RBFOX1: variants seen among roughly 807,000 people sequenced by gnomAD.
The protein encoded by RBFOX1 is RNA binding protein fox-1 homolog 1.
In RBFOX1, 8 loss-of-function variants were observed where a neutral mutation model predicts 57.7. That is an observed-to-expected ratio of 0.14 (90% CI 0.08 to 0.25). The LOEUF is 0.25. RBFOX1 is among the 10% of genes least tolerant of loss of function. The probability of loss-of-function intolerance (pLI) is 1.00; values close to 1 mark genes in which losing one functional copy is unlikely to be tolerated. For synonymous variants in RBFOX1, 326 were observed against 222.4 expected (o/e 1.47, Z -4.15); for missense variants, 611 against 548.5 (o/e 1.11, Z -1.14).
chr16:6,042,372 T>C (rs932505422), intron 1 of RBFOX1, among the ~76,000 whole-genome samples: 2 of 152,144 alleles, frequency 1.3e-5, no homozygotes, highest in African/African-American at 4.8e-5. Flanking sequence ...GTGCTGGGAT[T>C]ACAGGCATGA....
chr16:6,891,723 G>T (rs12448214), intron 3 of RBFOX1, among the ~76,000 whole-genome samples: 1 of 151,998 alleles, frequency 6.6e-6, no homozygotes, highest in East Asian at 1.9e-4. Flanking sequence ...ATCTGAACGT[G>T]GAACGCAGCA....
chr16:7,672,735 C>T (rs563968166), intron 13 of RBFOX1, among the ~76,000 whole-genome samples: 2 of 151,774 alleles, frequency 1.3e-5, no homozygotes, highest in East Asian at 3.9e-4. Flanking sequence ...GGCGTGGTGG[C>T]ACATGCCTGC....
chr16:6,891,922 G>GC (rs1341533832), intron 3 of RBFOX1, among the ~76,000 whole-genome samples: 2 of 152,064 alleles, frequency 1.3e-5, no homozygotes, highest in Non-Finnish European at 2.9e-5. Flanking sequence ...TTTCTTTCCA[G>GC]CAAGTCGGTT....
intron 4 of RBFOX1, among the ~76,000 whole-genome samples, chr16:7,506,564 AT>A (rs2073370432): frequency 6.6e-6 from 1 of 151,760 alleles, no homozygotes; most frequent in Non-Finnish European, 1.5e-5. Context: ...CACCATCACC[AT>A]TATTACCATC....
chr16:6,754,360 T>G (rs2075439996), intron 3 of RBFOX1, among the ~76,000 whole-genome samples: 1 of 152,228 alleles, frequency 6.6e-6, no homozygotes, highest in South Asian at 2.1e-4. Context: ...AAATTTCACC[T>G]AAATTGGAAT....
intron 4 of RBFOX1, among the ~76,000 whole-genome samples, chr16:7,155,050 G>A (rs1373897594): frequency 1.3e-5 from 2 of 151,920 alleles, no homozygotes; most frequent in African/African-American, 4.8e-5. Context: ...GTGTGGCGGA[G>A]GGCATCTTAT....
intron 3 of RBFOX1, among the ~76,000 whole-genome samples, chr16:5,605,260 C>T (rs955935312): frequency 1.3e-5 from 2 of 152,192 alleles, no homozygotes; most frequent in African/African-American, 4.8e-5. Flanking sequence ...ACTTTGGCTT[C>T]CGTGTCTGTG....
chr16:6,917,826 C>T (rs2073563550), intron 3 of RBFOX1, among the ~76,000 whole-genome samples: 3 of 152,078 alleles, frequency 2.0e-5, no homozygotes, highest in African/African-American at 4.8e-5. Context: ...AGAACAGGGC[C>T]CTGGGGGAGA....
intron 1 of RBFOX1, among the ~76,000 whole-genome samples, chr16:6,073,408 G>C (rs2095859711): frequency 6.6e-6 from 1 of 152,082 alleles, no homozygotes; most frequent in Non-Finnish European, 1.5e-5. Flanking sequence ...TCTTAACTTT[G>C]AATTAGTTCA....
rs182255418 is a variant in RBFOX1 at position 7,559,985 on chromosome 16, C to T, written c.271-19792C>T. Among the ~76,000 whole-genome samples the T allele has an allele frequency of 1.8e-3, 272 of 152,282 alleles. 2 individuals are homozygous for T. Among genetic ancestry groups the T allele is most frequent in the Non-Finnish European group, 2.0e-3 (137 of 68,018 alleles). ...ACAGTGGCTGTTAAAAGAATGGATC[C>T]TATTTGTCACCTGTGAAGGTTATTT... On this transcript the variant is annotated intron_variant, in intron 5 of 15. Transcript: ENST00000550418.
chr16:6,095,659 A>T (rs1309479006), intron 1 of RBFOX1, among the ~76,000 whole-genome samples: 1 of 151,322 alleles, frequency 6.6e-6, no homozygotes, highest in African/African-American at 2.4e-5. Flanking sequence ...GTGCTTTTTT[A>T]CCTCTGATTA....
intron 5 of RBFOX1, among the ~76,000 whole-genome samples, chr16:7,548,609 T>C (rs1490048784): frequency 1.3e-5 from 2 of 152,224 alleles, no homozygotes; most frequent in African/African-American, 2.4e-5. Context: ...GTTGCACGGA[T>C]GAGCAGGATG....
At chr16:6,341,998 A>T (rs141254379) in intron 2 of RBFOX1, among the ~76,000 whole-genome samples, 2 of 152,350 alleles carry the variant, frequency 1.3e-5, no homozygotes, top group African/African-American at 4.8e-5. Context: ...TTTGCAATAA[A>T]ACATAAAATA....
At chr16:7,515,365 G>A (rs901224157) in intron 4 of RBFOX1, among the ~76,000 whole-genome samples, 5 of 151,538 alleles carry the variant, frequency 3.3e-5, no homozygotes, top group Non-Finnish European at 5.9e-5. Flanking sequence ...TTGCAAGACA[G>A]ATACATTCTG....
At chr16:7,547,631 A>C (rs964700378) in intron 5 of RBFOX1, among the ~76,000 whole-genome samples, 11 of 152,240 alleles carry the variant, frequency 7.2e-5, no homozygotes, top group Admixed American at 5.9e-4. Flanking sequence ...CAGGCATGAC[A>C]AATAGCTGCA....
chr16:6,118,743 T>C (rs1341814725), intron 1 of RBFOX1, among the ~76,000 whole-genome samples: 1 of 145,272 alleles, frequency 6.9e-6, no homozygotes, highest in Non-Finnish European at 1.5e-5. Flanking sequence ...CTCTCTGTCC[T>C]TCCTTCCTTC....
At chr16:5,897,449 T>A (rs2058195292) in intron 4 of RBFOX1, among the ~76,000 whole-genome samples, 1 of 152,204 alleles carries the variant, frequency 6.6e-6, no homozygotes, top group Non-Finnish European at 1.5e-5. Flanking sequence ...CATATTCCTA[T>A]CATCACTACC....
At chr16:7,141,836 C>G (rs1431210970) in intron 4 of RBFOX1, among the ~76,000 whole-genome samples, 1 of 152,126 alleles carries the variant, frequency 6.6e-6, no homozygotes, top group Non-Finnish European at 1.5e-5. Context: ...GACTGGACAC[C>G]ATGCTACTGC....
intron 2 of RBFOX1, among the ~76,000 whole-genome samples, chr16:6,375,986 C>G (rs1046805672): frequency 6.6e-5 from 10 of 152,146 alleles, no homozygotes; most frequent in Admixed American, 2.0e-4. Context: ...TCCAGCTCCC[C>G]CTCTGTTTTG....
Sources: gnomAD v4.1 joint callset for allele counts (sites outside exome capture counted in the v4.1 genomes callset) on GRCh38, gnomAD v4.1.1 for gene constraint, MANE v1.5 for transcripts, NCBI Gene and HGNC (gene_info 2026-07-23, HGNC 2026-07-21) for gene names.